The following TIAM2 variants were observed in gnomAD, a reference collection of about 807,000 sequenced individuals.
The protein encoded by TIAM2 is TIAM Rac1 associated GEF 2, also known as rho guanine nucleotide exchange factor TIAM2.
TIAM2 carries 80 observed loss-of-function variants against 152.9 expected under a neutral mutation model. That is an observed-to-expected ratio of 0.52 (90% confidence interval 0.44 to 0.63). The LOEUF (loss-of-function observed/expected upper bound fraction) is 0.63. Among genes scored for constraint, TIAM2 ranks in the 30% least tolerant of loss-of-function variants. The probability of loss-of-function intolerance (pLI) is 0.00; values close to 1 mark genes in which losing one functional copy is unlikely to be tolerated. For synonymous variants in TIAM2, 804 were observed against 838.0 expected, an observed-to-expected ratio of 0.96 and a Z score of 0.70; for missense variants, 1,965 against 2,120.1, an observed-to-expected ratio of 0.93 and a Z score of 1.44.
rs1393264842 is a variant in TIAM2 at position 155,213,546 on chromosome 6, A to T, written c.3168+2239A>T. On this transcript the variant is annotated intron_variant, in intron 15 of 26. Coordinates refer to ENST00000682666, the MANE Select transcript of TIAM2 (RefSeq NM_012454.4). This position sits in a 1 kb window ranked among gnomAD's most constrained non-coding sequence, Gnocchi z 4.2. ...GTCCATAGTGGCCATGAGCAGACCC[A>T]GAAAAAGCTCCATAAGTTCCCACTC... Among the ~76,000 whole-genome samples the T allele has an allele frequency of 6.6e-6, 1 of 152,224 alleles. No individual in the cohort carries two copies. Among genetic ancestry groups the T allele is most frequent in the Non-Finnish European group, 1.5e-5 (1 of 68,032 alleles).
intron 24 of TIAM2, 87 bp from the exon 25 acceptor site, chr6:155,253,886 C>T: frequency 1.0e-6 from 1 of 959,294 alleles, no homozygotes; most frequent in South Asian, 1.7e-5. Flanking sequence ...ACTTTCTTAA[C>T]TGATGAGATT....
intron 2 of TIAM2, among the ~76,000 whole-genome samples, chr6:155,108,186 C>G (rs977106527): frequency 4.6e-5 from 7 of 152,116 alleles, no homozygotes; most frequent in African/African-American, 1.7e-4. Flanking sequence ...TACGTGGGTT[C>G]GTTTTCAGCT....
chr6:155,140,573 T>TGTGTGAGAGAGA (rs1331424200), intron 5 of TIAM2, among the ~76,000 whole-genome samples: 2 of 107,404 alleles, frequency 1.9e-5, no homozygotes, highest in African/African-American at 7.7e-5. Flanking sequence ...TGTGTGTGTG[T>TGTGTGAGAGAGA]GAGAGAGAGA....
At chr6:155,092,012 C>T (rs13208952) in intron 2 of TIAM2, among the ~76,000 whole-genome samples, 1 of 152,244 alleles carries the variant, frequency 6.6e-6, no homozygotes, top group East Asian at 1.9e-4. Context: ...GTCCTCCCAC[C>T]TCAGCCTCCT....
At position 155,129,338 on chromosome 6, in the gene TIAM2, G is replaced by C; in HGVS notation, c.115G>C (p.Glu39Gln). Reference sequence around the variant, plus strand: ...GAAAATACGTGGCATTCATGCAAAAGAGGAAAAGTCATTGCATGGATGGGG... The same window carrying C: ...GAAAATACGTGGCATTCATGCAAAACAGGAAAAGTCATTGCATGGATGGGG... ...SLKIRGIHAK[E>Q]EKSLHGWGHG... Residue 39 changes from glutamate to glutamine, a missense_variant, in exon 4 of 27, where the codon GAG becomes CAG. Physicochemically the swap from Glu to Gln is conservative, Grantham distance 29. Coordinates refer to ENST00000682666, the MANE Select transcript of TIAM2 (RefSeq NM_012454.4). The surrounding 1 kb of genome is among the most constrained non-coding windows in gnomAD (Gnocchi z 4.8). The C allele has an allele frequency of 6.2e-7, 1 of 1,614,208 alleles. No individual in the cohort carries two copies. Among genetic ancestry groups the C allele is most frequent in the African/African-American group, 1.3e-5 (1 of 75,060 alleles).
intron 1 of TIAM2, among the ~76,000 whole-genome samples, chr6:155,037,419 G>GA (rs942139441): frequency 5.3e-5 from 8 of 150,894 alleles, no homozygotes; most frequent in African/African-American, 1.2e-4. Flanking sequence ...TTTCTGTTCT[G>GA]AAAAAAAAAT....
At chr6:155,128,139 G>A (rs1364047120) in intron 3 of TIAM2, among the ~76,000 whole-genome samples, 2 of 152,176 alleles carry the variant, frequency 1.3e-5, no homozygotes, top group African/African-American at 4.8e-5. Flanking sequence ...AAGGAAGTAA[G>A]AGTCTAATAT....
At chr6:155,069,976 G>A (rs745656326) in intron 1 of TIAM2, among the ~76,000 whole-genome samples, 17 of 146,010 alleles carry the variant, frequency 1.2e-4, no homozygotes, top group Non-Finnish European at 1.6e-4. Flanking sequence ...GTAGTGGCTC[G>A]ATTTTGGCTC....
At chr6:155,184,278 C>T (rs565906180) in intron 14 of TIAM2, among the ~76,000 whole-genome samples, 95 of 152,270 alleles carry the variant, frequency 6.2e-4, no homozygotes, top group South Asian at 1.2e-3. Flanking sequence ...CATGAGCCAC[C>T]GTGCCTGGCC....
chr6:155,130,461 C>A, intron 4 of TIAM2, 44 bp downstream of exon 4: 1 of 1,553,610 alleles, frequency 6.4e-7, no homozygotes, highest in Non-Finnish European at 8.7e-7. Context: ...CACAGTTTCC[C>A]CACCTGGAGA....
chr6:155,002,344 G>A (rs1019126716), intron 1 of TIAM2, among the ~76,000 whole-genome samples: 3 of 152,158 alleles, frequency 2.0e-5, no homozygotes, highest in African/African-American at 4.8e-5. Context: ...CCAGGAGGTC[G>A]AGGCAACAGT....
intron 1 of TIAM2, among the ~76,000 whole-genome samples, chr6:155,064,467 T>C (rs1286173215): frequency 2.6e-5 from 4 of 152,304 alleles, no homozygotes; most frequent in Middle Eastern, 3.4e-3. Flanking sequence ...ATTGTGAATA[T>C]AGTTTGAGCT....
rs1465885994 is a variant in TIAM2, at chr6:155,240,592, A to G, written c.3231A>G (p.Glu1077=). ...SFNDSQANGM[E]GPRENQDPPP... ...ACGACAGTCAGGCCAACGGCATGGA[A>G]GGACCGCGGGAGAATCAGGATCCTC... The change falls in exon 16 of 27, where the codon GAA becomes GAG. Residue 1077 remains glutamate (E), a synonymous_variant. Transcript: ENST00000682666. 1 of 1,614,066 alleles carries G rather than the reference A, an allele frequency of 6.2e-7. No individual in the cohort carries two copies. Among genetic ancestry groups the G allele is most frequent in the East Asian group, 2.2e-5 (1 of 44,894 alleles).
At chr6:155,179,825 T>C (rs1780853258) in intron 12 of TIAM2, among the ~76,000 whole-genome samples, 1 of 152,336 alleles carries the variant, frequency 6.6e-6, no homozygotes. Flanking sequence ...TAGTTTTCTC[T>C]TCCCACCTGG....
At chr6:155,152,097 C>A (rs556936344) in intron 7 of TIAM2, among the ~76,000 whole-genome samples, 1 of 152,276 alleles carries the variant, frequency 6.6e-6, no homozygotes, top group East Asian at 1.9e-4. Context: ...CTTGCCTCAG[C>A]CTCCCAAAGT....
At chr6:155,004,560 C>G (rs1467630890) in intron 1 of TIAM2, among the ~76,000 whole-genome samples, 1 of 151,962 alleles carries the variant, frequency 6.6e-6, no homozygotes, top group Non-Finnish European at 1.5e-5. Flanking sequence ...ACGCCCAGCT[C>G]ATTTTTTGTA....
intron 1 of TIAM2, among the ~76,000 whole-genome samples, chr6:155,065,137 A>G (rs1046616760): frequency 1.3e-5 from 2 of 152,028 alleles, no homozygotes; most frequent in African/African-American, 4.8e-5. Context: ...TACTCTTAGT[A>G]GAGATGGGGT....
intron 2 of TIAM2, among the ~76,000 whole-genome samples, chr6:155,104,634 G>T (rs1177298985): frequency 6.6e-6 from 1 of 151,990 alleles, no homozygotes; most frequent in Admixed American, 6.6e-5. Context: ...GCGGGCGCTT[G>T]TAGTCCCAGC....
intron 1 of TIAM2, among the ~76,000 whole-genome samples, chr6:155,059,567 C>T (rs75839186): frequency 0.014 from 2,148 of 152,196 alleles, 29 homozygotes; most frequent in Non-Finnish European, 0.024. Context: ...CCACCCAGCC[C>T]GGCCTCCCAA....
Sources: gnomAD v4.1 joint callset for allele counts (sites outside exome capture counted in the v4.1 genomes callset) on GRCh38, gnomAD v4.1.1 for gene constraint, Gnocchi (gnomAD v3.1) non-coding constraint, MANE v1.5 for transcripts, NCBI Gene and HGNC (gene_info 2026-07-23, HGNC 2026-07-21) for gene names.